MAPT: variants seen among roughly 807,000 people sequenced by gnomAD.
MAPT encodes the protein microtubule-associated protein tau.
Under a neutral mutation model 67.9 loss-of-function variants are expected in MAPT, and 34 were observed. The ratio of observed to expected loss-of-function variants is 0.50; its 90% confidence interval spans 0.38 to 0.67. The LOEUF is 0.67. MAPT is among the 30% of genes least tolerant of loss of function. The pLI is 0.00. For synonymous variants in MAPT, 456 were observed against 464.5 expected, an observed-to-expected ratio of 0.98 and a Z score of 0.23; for missense variants, 881 against 1,115.2, an observed-to-expected ratio of 0.79 and a Z score of 2.99.
intron 1 of MAPT, among the ~76,000 whole-genome samples, chr17:45,959,543 C>T (rs1174388019): frequency 1.3e-5 from 2 of 152,092 alleles, no homozygotes; most frequent in Non-Finnish European, 2.9e-5. Context: ...CATGGTGGCT[C>T]ATGCCTGTAA....
At chr17:45,932,143 C>G (rs1198854047) in intron 1 of MAPT, 1 of 150,884 alleles carries the variant, frequency 6.6e-6, no homozygotes, top group Non-Finnish European at 1.5e-5. Context: ...AATGACAGGA[C>G]TGAAGTAACT....
intron 1 of MAPT, among the ~76,000 whole-genome samples, chr17:45,949,673 G>A (rs1200890726): frequency 6.6e-6 from 1 of 152,108 alleles, no homozygotes; most frequent in African/African-American, 2.4e-5. Context: ...CTCATCCTGA[G>A]GGCTGAAATA....
intron 4 of MAPT, 34 bp from the exon 5 acceptor site, chr17:45,982,832 C>A: frequency 1.7e-6 from 2 of 1,202,820 alleles, no homozygotes; most frequent in Non-Finnish European, 2.1e-6. Flanking sequence ...TGCGCCCTTG[C>A]TAACCTTTTG....
At chr17:45,962,581 CT>C in intron 2 of MAPT, 111 bp downstream of exon 2, 2 of 1,386,722 alleles carry the variant, frequency 1.4e-6, no homozygotes, top group Non-Finnish European at 2.0e-6. Context: ...TTGTCTTAGA[CT>C]GTCAGTAAAG....
intron 12 of MAPT, among the ~76,000 whole-genome samples, chr17:46,023,403 G>A (rs927709189): frequency 2.6e-5 from 4 of 152,200 alleles, no homozygotes; most frequent in Admixed American, 2.0e-4. Flanking sequence ...ACACTCACAC[G>A]TGTTTGTTTA....
rs8068679 is a variant in MAPT, at chr17:45,978,677, C to T, written c.286+237C>T. The T allele has an allele frequency of 3.2e-4, 171 of 539,216 alleles. 1 individual carries two copies. Among genetic ancestry groups the T allele is most frequent in the African/African-American group, 2.6e-3 (136 of 53,008 alleles). The allele number at this position is 539,216 out of a possible 1,614,324, so 33.4% of individuals were successfully genotyped here. On this transcript the variant is annotated intron_variant, in intron 4 of 12. Transcript: ENST00000262410. ...ATTTAGTGTTCTGAAAGATGCTAGC[C>T]TTGTCCAGCCTGGGAGTTGAGAATG...
intron 1 of MAPT, among the ~76,000 whole-genome samples, chr17:45,956,929 A>G (rs1173535830): frequency 2.6e-5 from 4 of 151,904 alleles, no homozygotes; most frequent in African/African-American, 9.7e-5. Flanking sequence ...ACATGAACTC[A>G]TCATTTTTTA....
At chr17:45,953,517 A>C (rs1416848290) in intron 1 of MAPT, among the ~76,000 whole-genome samples, 2 of 152,218 alleles carry the variant, frequency 1.3e-5, no homozygotes, top group African/African-American at 2.4e-5. Flanking sequence ...CTTCCCATGC[A>C]TTCCACTTTT....
intron 9 of MAPT, among the ~76,000 whole-genome samples, chr17:46,009,845 A>G (rs1259719738): frequency 6.6e-6 from 1 of 152,326 alleles, no homozygotes. Context: ...GGCAGGCTTG[A>G]GAACAGCCGC....
At chr17:45,942,821 C>T (rs2068117154) in intron 1 of MAPT, among the ~76,000 whole-genome samples, 1 of 152,230 alleles carries the variant, frequency 6.6e-6, no homozygotes, top group Non-Finnish European at 1.5e-5. Flanking sequence ...TATTAACTCA[C>T]CTAATCCCCA....
Position 45,971,900 on chromosome 17 carries a change from C to T in MAPT, c.175C>T (p.Pro59Ser). The change falls in exon 3 of 13, where the codon CCG becomes TCG. Residue 59 changes from proline to serine, a missense_variant. Physicochemically the swap from Pro to Ser is moderately conservative, Grantham distance 74. Transcript: ENST00000262410. This position sits in a 1 kb window ranked among gnomAD's most constrained non-coding sequence, Gnocchi z 4.3. ...QTPTEDGSEE[P>S]GSETSDAKST... ...CCCCACTGAGGACGGATCTGAGGAACCGGGCTCTGAAACCTCTGATGCTAA... is the reference window on the plus strand; with the variant it reads ...CCCCACTGAGGACGGATCTGAGGAATCGGGCTCTGAAACCTCTGATGCTAA... 1 of 1,614,146 alleles carries T rather than the reference C, an allele frequency of 6.2e-7. No individual in the cohort carries two copies. Among genetic ancestry groups the T allele is most frequent in the Non-Finnish European group, 8.5e-7 (1 of 1,180,036 alleles).
At chr17:45,936,342 G>A (rs575375689) in intron 1 of MAPT, among the ~76,000 whole-genome samples, 5 of 152,282 alleles carry the variant, frequency 3.3e-5, no homozygotes, top group African/African-American at 7.2e-5. Context: ...TGTTTGTGTC[G>A]TTCTCTCCTT....
chr17:46,007,214 G>A (rs569912244), intron 9 of MAPT, among the ~76,000 whole-genome samples: 18 of 152,272 alleles, frequency 1.2e-4, no homozygotes, highest in Middle Eastern at 3.4e-3. Flanking sequence ...GCTGGACACC[G>A]TGGTTCACGC....
chr17:46,012,340 C>G (rs891613735), intron 10 of MAPT, among the ~76,000 whole-genome samples: 1 of 152,082 alleles, frequency 6.6e-6, no homozygotes, highest in Non-Finnish European at 1.5e-5. Context: ...TGCGGGCTAG[C>G]CTGTGACCCG....
intron 1 of MAPT, among the ~76,000 whole-genome samples, chr17:45,920,980 ATTG>A (rs753916394): frequency 1.6e-4 from 25 of 152,212 alleles, no homozygotes; most frequent in Non-Finnish European, 2.5e-4. Flanking sequence ...TCTTTGCACA[ATTG>A]TTGTACAGCA....
intron 1 of MAPT, among the ~76,000 whole-genome samples, chr17:45,918,813 T>C (rs1225203437): frequency 1.3e-5 from 2 of 152,154 alleles, no homozygotes; most frequent in Non-Finnish European, 2.9e-5. Flanking sequence ...ATCCCAGCAT[T>C]TTGGGAGGCC....
intron 9 of MAPT, among the ~76,000 whole-genome samples, chr17:46,007,851 C>A (rs376842108): frequency 9.1e-4 from 139 of 152,056 alleles, no homozygotes; most frequent in Middle Eastern, 6.8e-3. Context: ...TGAAAATAAC[C>A]CATCATATGG....
At chr17:45,988,350 G>T (rs2145722133) in intron 6 of MAPT, among the ~76,000 whole-genome samples, 1 of 152,332 alleles carries the variant, frequency 6.6e-6, no homozygotes, top group South Asian at 2.1e-4. Context: ...ACACTTCGAG[G>T]CTTAGCCTCC....
intron 3 of MAPT, among the ~76,000 whole-genome samples, chr17:45,972,518 A>G (rs948069431): frequency 1.3e-5 from 2 of 152,120 alleles, no homozygotes; most frequent in African/African-American, 4.8e-5. Flanking sequence ...CTTGCTTCCC[A>G]TCTGTGTCAG....
Sources: gnomAD v4.1 joint callset for allele counts (sites outside exome capture counted in the v4.1 genomes callset) on GRCh38, gnomAD v4.1.1 for gene constraint, Gnocchi (gnomAD v3.1) non-coding constraint, MANE v1.5 for transcripts, NCBI Gene and HGNC (gene_info 2026-07-23, HGNC 2026-07-21) for gene names.